The following SBF2 variants were observed in gnomAD, a reference collection of about 807,000 sequenced individuals.
SBF2 encodes SET binding factor 2.
Under a neutral mutation model 225.2 loss-of-function variants are expected in SBF2, and 112 were observed. That is an observed-to-expected ratio of 0.50 (90% CI 0.43 to 0.58). The LOEUF (loss-of-function observed/expected upper bound fraction) is 0.58, where lower values mean the gene tolerates loss of function less well. Ranked by LOEUF, SBF2 falls within the 20% of genes least tolerant of loss-of-function variation. The probability of loss-of-function intolerance (pLI) is 0.00; values close to 1 mark genes in which losing one functional copy is unlikely to be tolerated. For synonymous variants in SBF2, 763 were observed against 773.3 expected (o/e 0.99, Z 0.22); for missense variants, 1,996 against 2,206.2 (o/e 0.90, Z 1.91).
At chr11:9,866,443 T>C (rs1196106730) in intron 17 of SBF2, among the ~76,000 whole-genome samples, 1 of 152,174 alleles carries the variant, frequency 6.6e-6, no homozygotes, top group African/African-American at 2.4e-5. Context: ...AGCCAACTGA[T>C]TTTCCACAAA....
intron 2 of SBF2, among the ~76,000 whole-genome samples, chr11:10,077,685 C>G (rs1328708526): frequency 6.6e-6 from 1 of 152,128 alleles, no homozygotes. Flanking sequence ...ATTAAAAATC[C>G]TAGAAGAAAA....
chr11:9,907,253 C>G (rs1480265858), intron 16 of SBF2, among the ~76,000 whole-genome samples: 2 of 152,114 alleles, frequency 1.3e-5, no homozygotes, highest in African/African-American at 4.8e-5. Flanking sequence ...CTTATTAGCC[C>G]TTCTCGGTAC....
In SBF2 at chr11:10,079,227, C is replaced by T. The variant is rs1398716837; in HGVS notation, c.142-36246G>A. 2.0e-5 allele frequency among the ~76,000 whole-genome samples: 3 copies of T among 152,194 alleles called. No homozygotes were observed. The East Asian group carries it at 5.8e-4, about 29-fold the overall frequency. ...CGATGGAGCCTAACAAAAAAGAAAT[C>T]TCACAACAATGTACAAGAGAAACCA... On this transcript the variant is annotated intron_variant, in intron 2 of 39. Transcript: ENST00000256190.
intron 10 of SBF2, among the ~76,000 whole-genome samples, chr11:9,993,551 CA>C (rs1367412583): frequency 6.6e-5 from 10 of 152,200 alleles, no homozygotes; most frequent in African/African-American, 2.2e-4. Context: ...CTCCTATAAC[CA>C]ACATTCTTTA....
At chr11:10,083,065 C>T (rs1951430295) in intron 2 of SBF2, among the ~76,000 whole-genome samples, 1 of 152,094 alleles carries the variant, frequency 6.6e-6, no homozygotes, top group African/African-American at 2.4e-5. Context: ...AAAATCAGTA[C>T]CATTTCTATA....
chr11:10,246,459 T>G (rs1235452546), intron 1 of SBF2, among the ~76,000 whole-genome samples: 1 of 152,118 alleles, frequency 6.6e-6, no homozygotes, highest in Non-Finnish European at 1.5e-5. Flanking sequence ...AATTTTGGTA[T>G]TTTTAGTAGA....
intron 2 of SBF2, among the ~76,000 whole-genome samples, chr11:10,163,037 A>C (rs983858414): frequency 6.6e-6 from 1 of 152,204 alleles, no homozygotes; most frequent in African/African-American, 2.4e-5. Context: ...AGACAGCATA[A>C]AACATGAAGT....
chr11:10,254,078 G>C (rs951943150), intron 1 of SBF2, among the ~76,000 whole-genome samples: 1 of 152,152 alleles, frequency 6.6e-6, no homozygotes, highest in African/African-American at 2.4e-5. Context: ...AAACAGTACG[G>C]AGGTTGCTCA....
chr11:10,096,981 C>T (rs956517761), intron 2 of SBF2, among the ~76,000 whole-genome samples: 44 of 152,126 alleles, frequency 2.9e-4, no homozygotes, highest in African/African-American at 1.1e-3. Flanking sequence ...CTATGACTTT[C>T]TCTAGAACCT....
intron 28 of SBF2, chr11:9,828,177 C>T: frequency 7.8e-7 from 1 of 1,289,704 alleles, no homozygotes; most frequent in Non-Finnish European, 1.0e-6. Flanking sequence ...CCTGGCACTA[C>T]CTGCTTAAGC....
intron 2 of SBF2, among the ~76,000 whole-genome samples, chr11:10,048,318 G>A (rs1273035510): frequency 1.3e-5 from 2 of 152,078 alleles, no homozygotes; most frequent in East Asian, 1.9e-4. Flanking sequence ...TATCAAAAGA[G>A]TCCCCAATGT....
At chr11:9,998,216 G>A (rs754679902) in intron 9 of SBF2, 50 bp downstream of exon 9, 2 of 1,080,584 alleles carry the variant, frequency 1.9e-6, no homozygotes, top group Non-Finnish European at 2.8e-6. Context: ...AGCTATCTTA[G>A]CTTCAGATTT....
chr11:10,242,301 T>C (rs1959293389), intron 1 of SBF2, among the ~76,000 whole-genome samples: 1 of 151,834 alleles, frequency 6.6e-6, no homozygotes, highest in Non-Finnish European at 1.5e-5. Context: ...AAACAGACTG[T>C]CATAACTATT....
intron 17 of SBF2, among the ~76,000 whole-genome samples, chr11:9,885,535 A>G (rs1220356919): frequency 6.6e-6 from 1 of 152,150 alleles, no homozygotes; most frequent in Non-Finnish European, 1.5e-5. Context: ...CAGTGGGTAG[A>G]AACAGCAATA....
chr11:10,283,399 A>C (rs115544752), intron 1 of SBF2, among the ~76,000 whole-genome samples: 1 of 152,290 alleles, frequency 6.6e-6, no homozygotes, highest in African/African-American at 2.4e-5. Flanking sequence ...AATGTCTCAA[A>C]ATGTGGTATT....
At chr11:10,004,587 AAAAAAAAAC>A (rs1475513282) in intron 6 of SBF2, among the ~76,000 whole-genome samples, 2 of 148,426 alleles carry the variant, frequency 1.3e-5, no homozygotes, top group Non-Finnish European at 3.0e-5. Context: ...AAAAAAAAAA[AAAAAAAAAC>A]AAACTACATA....
intron 2 of SBF2, among the ~76,000 whole-genome samples, chr11:10,189,748 C>A (rs1957086055): frequency 6.6e-6 from 1 of 152,190 alleles, no homozygotes; most frequent in Non-Finnish European, 1.5e-5. Context: ...CTAAAAAAAT[C>A]AGGTACATCT....
At chr11:9,840,622 A>G (rs1019642508) in intron 25 of SBF2, among the ~76,000 whole-genome samples, 1 of 152,256 alleles carries the variant, frequency 6.6e-6, no homozygotes, top group Admixed American at 6.5e-5. Flanking sequence ...AGTAAAATTT[A>G]TCTTTCATAA....
chr11:10,008,516 T>C (rs1270682480), intron 6 of SBF2, among the ~76,000 whole-genome samples: 2 of 152,198 alleles, frequency 1.3e-5, no homozygotes, highest in Non-Finnish European at 2.9e-5. Flanking sequence ...AACGGAAAAG[T>C]GGCAGCTCCA....
Sources: allele counts gnomAD v4.1 joint callset (sites outside exome capture counted in the v4.1 genomes callset), GRCh38; gene constraint gnomAD v4.1.1; transcripts MANE v1.5; gene names NCBI Gene and HGNC (gene_info 2026-07-23, HGNC 2026-07-21).